TENM2: variants seen among roughly 807,000 people sequenced by gnomAD.
TENM2 encodes the protein teneurin-2.
Under a neutral mutation model 245.2 loss-of-function variants are expected in TENM2, and 52 were observed. That is an observed-to-expected ratio of 0.21 (90% confidence interval 0.17 to 0.27). The LOEUF is 0.27. Ranked by LOEUF, TENM2 falls within the 10% of genes least tolerant of loss-of-function variation. The pLI is 1.00. For missense variants in TENM2, 3,046 were observed against 3,666.8 expected (o/e 0.83, Z 4.37); for synonymous variants, 1,363 against 1,438.9 (o/e 0.95, Z 1.19).
At chr5:167,602,899 C>T (rs902631733) in intron 2 of TENM2, among the ~76,000 whole-genome samples, 8 of 152,066 alleles carry the variant, frequency 5.3e-5, no homozygotes, top group Admixed American at 2.0e-4. Context: ...GGAGGGCTTC[C>T]TGGAAGAGAA....
chr5:167,317,290 A>G (rs1756420682), intron 1 of TENM2, among the ~76,000 whole-genome samples: 1 of 151,926 alleles, frequency 6.6e-6, no homozygotes, highest in Admixed American at 6.6e-5. Context: ...TTTAATTCTT[A>G]TTCATTTTTT....
At position 167,943,679 on chromosome 5, in the gene TENM2, C is replaced by T. The variant is rs554254823; in HGVS notation, c.713-8909C>T. ...CCTGGGAAAGTGATAATGCTGCTCACATAACAGAAAGAGTATTTTCTGCTA... is the reference window on the plus strand; with the variant it reads ...CCTGGGAAAGTGATAATGCTGCTCATATAACAGAAAGAGTATTTTCTGCTA... On this transcript the variant is annotated intron_variant, in intron 3 of 28. Coordinates refer to ENST00000518659, the Ensembl canonical transcript of TENM2. 3.9e-5 allele frequency among the ~76,000 whole-genome samples: 6 copies of T among 152,260 alleles called. No individual in the cohort carries two copies. In the South Asian group the frequency reaches 1.0e-3, roughly 26 times the overall value.
intron 2 of TENM2, among the ~76,000 whole-genome samples, chr5:167,819,503 G>A (rs1485184635): frequency 6.6e-6 from 1 of 152,162 alleles, no homozygotes; most frequent in Non-Finnish European, 1.5e-5. Context: ...TCCTGCCAAA[G>A]GTTGTTTCAC....
chr5:167,397,004 A>G (rs1762090032), intron 2 of TENM2, among the ~76,000 whole-genome samples: 1 of 152,158 alleles, frequency 6.6e-6, no homozygotes, highest in African/African-American at 2.4e-5. Flanking sequence ...TTCTCAATGA[A>G]GGCAGTGATA....
chr5:167,715,845 G>C (rs1297217370), intron 2 of TENM2, among the ~76,000 whole-genome samples: 1 of 152,194 alleles, frequency 6.6e-6, no homozygotes, highest in African/African-American at 2.4e-5. Flanking sequence ...CTATTTTTCA[G>C]TTTGAGGATT....
At chr5:167,624,424 G>A (rs1304255711) in intron 2 of TENM2, among the ~76,000 whole-genome samples, 1 of 152,114 alleles carries the variant, frequency 6.6e-6, no homozygotes, top group East Asian at 1.9e-4. Context: ...ACAAGAGTAG[G>A]GAGGGAGGAA....
the TENM2 span, among the ~76,000 whole-genome samples, chr5:167,066,087 C>T: frequency 2.6e-5 from 4 of 151,966 alleles, no homozygotes; most frequent in Non-Finnish European, 5.9e-5. Context: ...CAAGGGAGTG[C>T]GGGAAAGAAT....
At chr5:168,163,994 T>C (rs1267699694) in intron 13 of TENM2, among the ~76,000 whole-genome samples, 1 of 152,170 alleles carries the variant, frequency 6.6e-6, no homozygotes, top group Non-Finnish European at 1.5e-5. Flanking sequence ...TGTTTAATCC[T>C]AAATGGGTCC....
the TENM2 span, among the ~76,000 whole-genome samples, chr5:167,223,377 T>C: frequency 2.6e-5 from 4 of 151,912 alleles, no homozygotes; most frequent in African/African-American, 9.7e-5. Context: ...GTATCTATCA[T>C]TACACTTTCT....
chr5:167,368,540 A>AT (rs990861786), intron 1 of TENM2, among the ~76,000 whole-genome samples: 3 of 152,082 alleles, frequency 2.0e-5, no homozygotes, highest in Admixed American at 1.3e-4. Flanking sequence ...ATGACCAATG[A>AT]TTTTTTTACT....
chr5:168,226,115 C>G, exon 24 of TENM2: 1 of 1,613,674 alleles, frequency 6.2e-7, no homozygotes, highest in Non-Finnish European at 8.5e-7. Context: ...GCCTGACCAA[C>G]GTGACGCGCC....
the TENM2 span, among the ~76,000 whole-genome samples, chr5:167,184,628 A>G: frequency 6.6e-6 from 1 of 152,160 alleles, no homozygotes; most frequent in Non-Finnish European, 1.5e-5. Flanking sequence ...TCTTGAACAT[A>G]GCCCAGCTCT....
At chr5:167,552,719 G>T (rs1022054346) in intron 2 of TENM2, among the ~76,000 whole-genome samples, 1 of 152,174 alleles carries the variant, frequency 6.6e-6, no homozygotes, top group African/African-American at 2.4e-5. Flanking sequence ...AAGGTGTGTT[G>T]CGTATATGAC....
intron 2 of TENM2, among the ~76,000 whole-genome samples, chr5:167,477,433 C>A (rs537962190): frequency 0.01 from 829 of 81,068 alleles, 10 homozygotes; most frequent in African/African-American, 0.025. Context: ...GCCCTGTTGG[C>A]GGGTGGGGGG....
intron 2 of TENM2, among the ~76,000 whole-genome samples, chr5:167,612,203 A>G (rs979563356): frequency 1.3e-5 from 2 of 152,002 alleles, no homozygotes; most frequent in Non-Finnish European, 2.9e-5. Flanking sequence ...CAACAGCACA[A>G]TGTGTCCTAA....
At chr5:167,616,922 G>A (rs1031099561) in intron 2 of TENM2, among the ~76,000 whole-genome samples, 1 of 152,094 alleles carries the variant, frequency 6.6e-6, no homozygotes, top group African/African-American at 2.4e-5. Flanking sequence ...TCTGTAGGGA[G>A]GCCTTCCATG....
intron 13 of TENM2, among the ~76,000 whole-genome samples, chr5:168,183,971 C>A (rs1305460008): frequency 2.6e-5 from 4 of 152,316 alleles, no homozygotes; most frequent in Non-Finnish European, 5.9e-5. Context: ...GTATAATCAT[C>A]ACTGCCCTCA....
At chr5:166,990,507 A>C in the TENM2 span, among the ~76,000 whole-genome samples, 10 of 152,192 alleles carry the variant, frequency 6.6e-5, no homozygotes, top group East Asian at 1.9e-4. Context: ...AATATAAATT[A>C]CTGTAGGATT....
At chr5:167,052,413 T>C in the TENM2 span, among the ~76,000 whole-genome samples, 1 of 152,188 alleles carries the variant, frequency 6.6e-6, no homozygotes, top group Admixed American at 6.5e-5. Flanking sequence ...TATGGTGTTA[T>C]GGGTACTCAA....
Sources: gnomAD v4.1 joint callset for allele counts (sites outside exome capture counted in the v4.1 genomes callset) on GRCh38, gnomAD v4.1.1 for gene constraint, MANE v1.5 for transcripts, NCBI Gene and HGNC (gene_info 2026-07-23, HGNC 2026-07-21) for gene names.